LRP1B: variants seen among roughly 807,000 people sequenced by gnomAD.
LRP1B encodes the protein LDL receptor related protein 1B.
Under a neutral mutation model 556.6 loss-of-function variants are expected in LRP1B, and 217 were observed. The observed-to-expected ratio is 0.39, with a 90% confidence interval of 0.35 to 0.44. The LOEUF (loss-of-function observed/expected upper bound fraction) is 0.44, where lower values mean the gene tolerates loss of function less well. Ranked by LOEUF, LRP1B falls within the 20% of genes least tolerant of loss-of-function variation. The pLI is 1.00. For synonymous variants in LRP1B, 2,047 were observed against 1,865.8 expected (o/e 1.10, Z -2.50); for missense variants, 5,053 against 5,620.8 (o/e 0.90, Z 3.23).
At chr2:140,329,345 T>C (rs2105072488) in intron 79 of LRP1B, among the ~76,000 whole-genome samples, 1 of 152,214 alleles carries the variant, frequency 6.6e-6, no homozygotes, top group East Asian at 1.9e-4. Flanking sequence ...CAGACAAAGA[T>C]GCCCTCTCTC....
intron 16 of LRP1B, among the ~76,000 whole-genome samples, chr2:140,993,773 A>G (rs1697159266): frequency 6.6e-6 from 1 of 152,076 alleles, no homozygotes; most frequent in African/African-American, 2.4e-5. Context: ...GAGCAACTAA[A>G]ATGATAATAT....
intron 3 of LRP1B, among the ~76,000 whole-genome samples, chr2:141,448,904 A>C (rs576133428): frequency 6.6e-6 from 1 of 152,348 alleles, no homozygotes; most frequent in African/African-American, 2.4e-5. Flanking sequence ...TCAGAGTTCA[A>C]GAAGCATTTA....
chr2:141,358,349 G>A (rs1688699292), intron 3 of LRP1B, among the ~76,000 whole-genome samples: 1 of 152,186 alleles, frequency 6.6e-6, no homozygotes, highest in Non-Finnish European at 1.5e-5. Flanking sequence ...AAACCAATGA[G>A]CTGAGGCCTT....
chr2:142,017,313 T>G (rs915909144), intron 1 of LRP1B, among the ~76,000 whole-genome samples: 1 of 152,140 alleles, frequency 6.6e-6, no homozygotes, highest in Non-Finnish European at 1.5e-5. Context: ...TATTGAAACA[T>G]GAATTGTGAA....
chr2:141,379,825 C>T (rs769297452), intron 3 of LRP1B, among the ~76,000 whole-genome samples: 59 of 152,040 alleles, frequency 3.9e-4, no homozygotes, highest in Non-Finnish European at 2.8e-4. Context: ...TAGGCAAGCA[C>T]AGAATGAGCA....
intron 33 of LRP1B, among the ~76,000 whole-genome samples, chr2:140,774,620 T>C (rs1006301844): frequency 6.6e-6 from 1 of 152,186 alleles, no homozygotes; most frequent in Non-Finnish European, 1.5e-5. Flanking sequence ...TACGATCTCA[T>C]ATGTATGCGT....
At chr2:141,626,304 G>C (rs1332082288) in intron 2 of LRP1B, among the ~76,000 whole-genome samples, 2 of 152,090 alleles carry the variant, frequency 1.3e-5, no homozygotes, top group African/African-American at 2.4e-5. Flanking sequence ...CATCACAAAA[G>C]TTAACTTGAA....
intron 1 of LRP1B, among the ~76,000 whole-genome samples, chr2:141,847,534 A>G (rs142266384): frequency 6.8e-4 from 103 of 151,648 alleles, no homozygotes; most frequent in African/African-American, 2.4e-3. Flanking sequence ...TTCCTAACAG[A>G]TATTATAACA....
At chr2:141,613,280 G>T (rs925933482) in intron 2 of LRP1B, among the ~76,000 whole-genome samples, 4 of 152,076 alleles carry the variant, frequency 2.6e-5, no homozygotes, top group African/African-American at 9.7e-5. Flanking sequence ...TTTAGGTCCT[G>T]TAGTCATTGA....
chr2:141,265,732 G>A lies in LRP1B; in HGVS notation c.344-11091C>T, dbSNP rs553316615. Among the ~76,000 whole-genome samples, 246 of 152,174 alleles carry A rather than the reference G, an allele frequency of 1.6e-3. 1 individual carries two copies. The highest frequency in any genetic ancestry group is 2.9e-3 in the Non-Finnish European group (195 of 68,014). On this transcript the variant is annotated intron_variant, in intron 3 of 90. Transcript: ENST00000389484. Reference sequence around the variant, plus strand: ...GTGTGTGTGTGTGTACTCGATACATGTATATCTCCCCATCCTTTTTAATAG... The same window carrying A: ...GTGTGTGTGTGTGTACTCGATACATATATATCTCCCCATCCTTTTTAATAG...
chr2:140,552,651 T>C (rs1180637323), intron 43 of LRP1B, among the ~76,000 whole-genome samples: 1 of 152,156 alleles, frequency 6.6e-6, no homozygotes, highest in Non-Finnish European at 1.5e-5. Context: ...AGTCTTTATG[T>C]AGAGCGCAGA....
At chr2:141,841,216 G>C (rs1697461448) in intron 1 of LRP1B, among the ~76,000 whole-genome samples, 1 of 152,116 alleles carries the variant, frequency 6.6e-6, no homozygotes, top group African/African-American at 2.4e-5. Flanking sequence ...AGGGCTTATT[G>C]AGTGTTACTC....
chr2:141,439,453 T>A lies in LRP1B; in HGVS notation c.343+40943A>T, dbSNP rs146095461. Among the ~76,000 whole-genome samples, 350 of 151,684 alleles carry A rather than the reference T, an allele frequency of 2.3e-3. 1 individual carries two copies. The highest frequency in any genetic ancestry group is 8.2e-3 in the African/African-American group (340 of 41,486). ...AATATAATTGAAGAAAATTAATAATTTTTTAAAAATCTTATTTATAATAAT... is the reference window on the plus strand; with the variant it reads ...AATATAATTGAAGAAAATTAATAATATTTTAAAAATCTTATTTATAATAAT... On this transcript the variant is annotated intron_variant, in intron 3 of 90. Coordinates refer to ENST00000389484, the MANE Select transcript of LRP1B (RefSeq NM_018557.3).
chr2:140,557,104 T>G (rs1421901487), intron 43 of LRP1B, among the ~76,000 whole-genome samples: 1 of 152,128 alleles, frequency 6.6e-6, no homozygotes, highest in Non-Finnish European at 1.5e-5. Flanking sequence ...TTCAATCAAA[T>G]TTATTACAGT....
chr2:140,515,557 A>T (rs1689859420), intron 50 of LRP1B, among the ~76,000 whole-genome samples: 1 of 152,060 alleles, frequency 6.6e-6, no homozygotes. Flanking sequence ...CTCTTGTAAA[A>T]ATAGCAATTC....
chr2:140,600,947 G>A (rs1194579123), intron 42 of LRP1B, among the ~76,000 whole-genome samples: 2 of 151,404 alleles, frequency 1.3e-5, no homozygotes, highest in East Asian at 1.9e-4. Flanking sequence ...TCAAACAGCT[G>A]TAGACTACTT....
intron 3 of LRP1B, among the ~76,000 whole-genome samples, chr2:141,312,365 T>A (rs1258980068): frequency 6.6e-6 from 1 of 152,202 alleles, no homozygotes; most frequent in Non-Finnish European, 1.5e-5. Context: ...TTAATAACAT[T>A]TTCTTTATCT....
intron 7 of LRP1B, among the ~76,000 whole-genome samples, chr2:141,132,340 T>C (rs1701379881): frequency 6.6e-6 from 1 of 151,950 alleles, no homozygotes; most frequent in Admixed American, 6.6e-5. Context: ...GGGGAATGGA[T>C]TAGTTCCTCT....
intron 2 of LRP1B, among the ~76,000 whole-genome samples, chr2:141,695,420 T>A (rs1370330): frequency 0.081 from 12,392 of 152,068 alleles, 987 homozygotes; most frequent in African/African-American, 0.19. Context: ...GATAATAATG[T>A]CATAAGGTGC....
Sources: gnomAD v4.1 joint callset for allele counts (sites outside exome capture counted in the v4.1 genomes callset) on GRCh38, gnomAD v4.1.1 for gene constraint, MANE v1.5 for transcripts, NCBI Gene and HGNC (gene_info 2026-07-23, HGNC 2026-07-21) for gene names.